Variants in ADAMTS2 observed in about 807,000 individuals in gnomAD.
The protein encoded by ADAMTS2 is ADAM metallopeptidase with thrombospondin type 1 motif 2.
ADAMTS2 carries 50 observed loss-of-function variants against 123.0 expected under a neutral mutation model. That is an observed-to-expected ratio of 0.41 (90% CI 0.32 to 0.51). The LOEUF is 0.51. ADAMTS2 is among the 20% of genes least tolerant of loss of function. The pLI, the probability that ADAMTS2 is intolerant of heterozygous loss-of-function variation, is 0.35. For synonymous variants in ADAMTS2, 678 were observed against 695.4 expected, an observed-to-expected ratio of 0.98 and a Z score of 0.39; for missense variants, 1,494 against 1,705.2, an observed-to-expected ratio of 0.88 and a Z score of 2.18.
At chr5:179,229,373 A>AGGTCAGTGG (rs1765357799) in intron 3 of ADAMTS2, among the ~76,000 whole-genome samples, 2 of 42,240 alleles carry the variant, frequency 4.7e-5, no homozygotes, top group African/African-American at 2.3e-4. Context: ...AGGTAATTCC[A>AGGTCAGTGG]CAAACACGAG....
intron 10 of ADAMTS2, chr5:179,151,185 C>T: frequency 3.1e-6 from 1 of 320,446 alleles, no homozygotes; most frequent in Non-Finnish European, 6.5e-6. Flanking sequence ...GCATGAGCCA[C>T]CGCGCCCGGC....
intron 2 of ADAMTS2, among the ~76,000 whole-genome samples, chr5:179,323,671 T>C (rs1411469541): frequency 1.3e-5 from 2 of 152,210 alleles, no homozygotes; most frequent in Non-Finnish European, 2.9e-5. Context: ...TAACAGCACC[T>C]GCGCCCGTCA....
At position 179,262,325 on chromosome 5, in the gene ADAMTS2, G is replaced by T. The variant is rs17079267; in HGVS notation, c.688+10586C>A. Among the ~76,000 whole-genome samples, 1 of 151,712 alleles carries T rather than the reference G, an allele frequency of 6.6e-6. No individual in the cohort carries two copies. The highest frequency in any genetic ancestry group is 2.4e-5 in the African/African-American group (1 of 41,226). ...GATTCCTTCCTTCACACCACGTCCCGGAAGCTCCACCTCAAACTCATCCTG... is the reference window on the plus strand; with the variant it reads ...GATTCCTTCCTTCACACCACGTCCCTGAAGCTCCACCTCAAACTCATCCTG... On this transcript the variant is annotated intron_variant, in intron 3 of 21. Transcript: ENST00000251582. This position sits in a 1 kb window ranked among gnomAD's most constrained non-coding sequence, Gnocchi z 5.9.
intron 10 of ADAMTS2, among the ~76,000 whole-genome samples, chr5:179,149,644 GAGA>G (rs1387809704): frequency 2.0e-5 from 3 of 152,216 alleles, no homozygotes; most frequent in African/African-American, 7.2e-5. Flanking sequence ...AAGGGTGGGA[GAGA>G]AGATGATTGC....
chr5:179,245,023 G>A (rs892822944), intron 3 of ADAMTS2, among the ~76,000 whole-genome samples: 1 of 152,208 alleles, frequency 6.6e-6, no homozygotes, highest in African/African-American at 2.4e-5. Flanking sequence ...TATCTGTAAG[G>A]TTATATGTAA....
At chr5:179,333,733 G>A (rs930843252) in intron 2 of ADAMTS2, among the ~76,000 whole-genome samples, 2 of 151,540 alleles carry the variant, frequency 1.3e-5, no homozygotes, top group African/African-American at 4.9e-5. Flanking sequence ...CCAAGTAGCT[G>A]GGACTACAGG....
At chr5:179,321,438 C>T (rs1001833234) in intron 2 of ADAMTS2, among the ~76,000 whole-genome samples, 2 of 152,204 alleles carry the variant, frequency 1.3e-5, no homozygotes, top group African/African-American at 2.4e-5. Flanking sequence ...CCTGCAAAGC[C>T]CCCTCTTGGC....
chr5:179,240,501 A>C (rs1765639002), intron 3 of ADAMTS2, among the ~76,000 whole-genome samples: 1 of 152,162 alleles, frequency 6.6e-6, no homozygotes, highest in African/African-American at 2.4e-5. Flanking sequence ...GTCGGAGCAA[A>C]AGGGAACCGG....
intron 2 of ADAMTS2, among the ~76,000 whole-genome samples, chr5:179,306,640 G>C (rs957327666): frequency 1.3e-5 from 2 of 152,138 alleles, no homozygotes; most frequent in Non-Finnish European, 2.9e-5. Context: ...GGGCAGGAAA[G>C]GGCCCCAGAG....
At chr5:179,223,621 C>A (rs552012030) in intron 3 of ADAMTS2, among the ~76,000 whole-genome samples, 31 of 142,560 alleles carry the variant, frequency 2.2e-4, no homozygotes, top group Non-Finnish European at 4.4e-4. Context: ...TACTCACATG[C>A]ACACTCACAT....
At chr5:179,167,231 GCCC>G (rs33958402) in intron 5 of ADAMTS2, among the ~76,000 whole-genome samples, 1 of 151,882 alleles carries the variant, frequency 6.6e-6, no homozygotes, top group Non-Finnish European at 1.5e-5. Flanking sequence ...TCGGGGTGCT[GCCC>G]CCCGCGCGGG....
chr5:179,137,122 C>G (rs916292911), intron 12 of ADAMTS2, among the ~76,000 whole-genome samples: 1 of 152,226 alleles, frequency 6.6e-6, no homozygotes, highest in Admixed American at 6.5e-5. Flanking sequence ...CTGTGGCCTC[C>G]GCCAGAGGGG....
In ADAMTS2 at chr5:179,307,944, A is replaced by G. The variant is rs143446173; in HGVS notation, c.535-34880T>C. On this transcript the variant is annotated intron_variant, in intron 2 of 21. Transcript: ENST00000251582. The surrounding 1 kb of genome is among the most constrained non-coding windows in gnomAD (Gnocchi z 5.6). ...GTCACTCTCTGCCCCCTGACCAGGG[A>G]TCTTACGAGAGCAAAGTTGTCCTTG... 6.6e-5 allele frequency among the ~76,000 whole-genome samples: 10 copies of G among 152,252 alleles called. No homozygotes were observed. The highest frequency in any genetic ancestry group is 2.2e-4 in the African/African-American group (9 of 41,550).
chr5:179,241,089 C>T (rs1187493488), intron 3 of ADAMTS2, among the ~76,000 whole-genome samples: 1 of 152,136 alleles, frequency 6.6e-6, no homozygotes, highest in Non-Finnish European at 1.5e-5. Flanking sequence ...GTGAGGTAGA[C>T]CAAGGCCCTC....
intron 5 of ADAMTS2, among the ~76,000 whole-genome samples, chr5:179,172,011 G>T (rs952639436): frequency 6.6e-6 from 1 of 152,164 alleles, no homozygotes; most frequent in African/African-American, 2.4e-5. Flanking sequence ...GGGTAAGCTG[G>T]TTCCATCTGG....
At chr5:179,243,638 A>C (rs1166508615) in intron 3 of ADAMTS2, among the ~76,000 whole-genome samples, 1 of 152,248 alleles carries the variant, frequency 6.6e-6, no homozygotes, top group Non-Finnish European at 1.5e-5. Flanking sequence ...ACACAACAGA[A>C]ACACAAATGA....
rs377705390 is a variant in ADAMTS2 at position 179,262,356 on chromosome 5, A to C, written c.688+10555T>G. On this transcript the variant is annotated intron_variant, in intron 3 of 21. Transcript: ENST00000251582. This position sits in a 1 kb window ranked among gnomAD's most constrained non-coding sequence, Gnocchi z 5.9. Reference sequence around the variant, plus strand: ...TCCACCTCAAACTCATCCTGAACCCACTGCCTCCACCGCCATCTGTCACCG... The same window carrying C: ...TCCACCTCAAACTCATCCTGAACCCCCTGCCTCCACCGCCATCTGTCACCG... 1.3e-5 allele frequency among the ~76,000 whole-genome samples: 2 copies of C among 151,576 alleles called. No individual in the cohort carries two copies. Among genetic ancestry groups the C allele is most frequent in the African/African-American group, 4.9e-5 (2 of 41,208 alleles).
intron 5 of ADAMTS2, among the ~76,000 whole-genome samples, chr5:179,160,285 C>A (rs1244030831): frequency 6.6e-6 from 1 of 152,092 alleles, no homozygotes; most frequent in Admixed American, 6.5e-5. Context: ...ATGGTGAAAC[C>A]CTGTCTCTAC....
chr5:179,319,372 G>C (rs945354701), intron 2 of ADAMTS2, among the ~76,000 whole-genome samples: 2 of 152,096 alleles, frequency 1.3e-5, no homozygotes, highest in African/African-American at 4.8e-5. Flanking sequence ...TGTATCATAT[G>C]CAGGTATCAT....
Sources: allele counts gnomAD v4.1 joint callset (sites outside exome capture counted in the v4.1 genomes callset), GRCh38; gene constraint gnomAD v4.1.1; non-coding constraint Gnocchi (gnomAD v3.1); transcripts MANE v1.5; gene names NCBI Gene and HGNC (gene_info 2026-07-23, HGNC 2026-07-21).